The following RO60 variants were observed in gnomAD, a reference collection of about 807,000 sequenced individuals.
RO60 encodes RNA-binding protein RO60.
RO60 carries 20 observed loss-of-function variants against 55.3 expected under a neutral mutation model. The observed-to-expected ratio is 0.36, with a 90% CI of 0.25 to 0.53. The LOEUF is 0.53. Ranked by LOEUF, RO60 falls within the 20% of genes least tolerant of loss-of-function variation. The pLI is 0.92. For synonymous variants in RO60, 213 were observed against 213.6 expected (o/e 1.00, Z 0.02); for missense variants, 558 against 646.6 (o/e 0.86, Z 1.49).
chr1:193,075,610 A>T (rs975587842), intron 2 of RO60, among the ~76,000 whole-genome samples: 2 of 152,108 alleles, frequency 1.3e-5, no homozygotes, highest in African/African-American at 4.8e-5. Context: ...TTTACTCTAA[A>T]GTCTCATATT....
rs746248721 is a variant in RO60, at chr1:193,059,713, C to G, written c.-85C>G. On this transcript the variant is annotated 5_prime_UTR_variant, in exon 1 of 9. Coordinates refer to ENST00000400968, the MANE Select transcript of RO60 (RefSeq NM_001173524.2). The surrounding 1 kb of genome is among the most constrained non-coding windows in gnomAD (Gnocchi z 4.9). ...TCAGGCTGCCTTCTTTTGTCGTTTC[C>G]CAGCGCTGCGCAGGACTTCTCCTGG... The G allele has an allele frequency of 1.5e-6, 2 of 1,353,302 alleles. No homozygotes were observed. Among genetic ancestry groups the G allele is most frequent in the South Asian group, 1.2e-5 (1 of 85,748 alleles). The allele number at this position is 1,353,302 out of a possible 1,614,324, so 83.8% of individuals were successfully genotyped here.
At chr1:193,072,045 C>T (rs1673553662) in intron 2 of RO60, among the ~76,000 whole-genome samples, 1 of 151,714 alleles carries the variant, frequency 6.6e-6, no homozygotes, top group Non-Finnish European at 1.5e-5. Flanking sequence ...CTTTTGTCAC[C>T]CAGGCTGGAG....
downstream of RO60, chr1:193,091,380 C>T: frequency 3.2e-6 from 1 of 314,364 alleles, no homozygotes; most frequent in Admixed American, 5.1e-5. Flanking sequence ...AATTGTCAAG[C>T]TGGTGCTTAA....
rs1216082190 is a variant in RO60 at position 193,090,196 on chromosome 1, C to T, written c.*5465C>T. On this transcript the variant is annotated 3_prime_UTR_variant, in exon 9 of 9. Coordinates refer to ENST00000400968, the MANE Select transcript of RO60 (RefSeq NM_001173524.2). ...AAATAGTAAATTAGCTATATGTCTGCTGGTTTCACTTCGATGTGGATATGG... is the reference window on the plus strand; with the variant it reads ...AAATAGTAAATTAGCTATATGTCTGTTGGTTTCACTTCGATGTGGATATGG... 1 of 152,108 alleles carries T rather than the reference C, an allele frequency of 6.6e-6. No homozygotes were observed. Among genetic ancestry groups the T allele is most frequent in the Non-Finnish European group, 1.5e-5 (1 of 68,014 alleles). The allele number at this position is 152,108 out of a possible 1,614,324, so 9.4% of individuals were successfully genotyped here.
In RO60 at chr1:193,091,114, TA is replaced by T; in HGVS notation, c.*6385del. 1 of 152,472 alleles carries T rather than the reference TA, an allele frequency of 6.6e-6. No homozygotes were observed. The highest frequency in any genetic ancestry group is 6.5e-5 in the Admixed American group (1 of 15,304). 9.4% of individuals were successfully genotyped at this position (152,472 alleles called of 1,614,324 possible). A position where few individuals can be genotyped will look rare whatever the true frequency, so the allele number is the denominator to read the frequency against. On this transcript the variant is annotated 3_prime_UTR_variant, in exon 9 of 9. Transcript: ENST00000400968. The stretch of plus-strand genomic sequence containing the variant: ...ATATCCAAGGACCAAGTTGCATATT[TA>T]ACATCGAATGAAAATGTAGTTGTAC...
Position 193,084,834 on chromosome 1 carries a change from A to G in RO60, c.*103A>G. The G allele has an allele frequency of 1.3e-6, 2 of 1,532,120 alleles. No homozygotes were observed. Among genetic ancestry groups the G allele is most frequent in the South Asian group, 2.6e-5 (2 of 76,614 alleles). The allele number at this position is 1,532,120 out of a possible 1,614,324, so 94.9% of individuals were successfully genotyped here. ...TCTCCACCCAATGAATGATGATGGT[A>G]TAGTATGTGCATAATGGAAAGTTAC... On this transcript the variant is annotated 3_prime_UTR_variant, in exon 9 of 9. Coordinates refer to ENST00000400968, the MANE Select transcript of RO60 (RefSeq NM_001173524.2).
In RO60 at chr1:193,090,074, G is replaced by T. The variant is rs748969740; in HGVS notation, c.*5343G>T. ...CCGCCTCGGCCTTCCAAAGTGCTAG[G>T]ATTACAGGCGTGAGCCACCGCACCT... is the stretch of plus-strand genomic sequence containing the variant. On this transcript the variant is annotated 3_prime_UTR_variant, in exon 9 of 9. Transcript: ENST00000400968. 3.9e-5 allele frequency: 6 copies of T among 152,148 alleles called. No individual in the cohort carries two copies. Among genetic ancestry groups the T allele is most frequent in the Non-Finnish European group, 8.8e-5 (6 of 68,046 alleles). The allele number at this position is 152,148 out of a possible 1,614,324, so 9.4% of individuals were successfully genotyped here.
At chr1:193,063,265 G>A (rs1306381887) in intron 1 of RO60, among the ~76,000 whole-genome samples, 1 of 152,118 alleles carries the variant, frequency 6.6e-6, no homozygotes, top group East Asian at 1.9e-4. Flanking sequence ...GCATTTCCCT[G>A]ATGACTAATG....
At chr1:193,064,944 T>A (rs1673012065) in intron 1 of RO60, among the ~76,000 whole-genome samples, 1 of 152,222 alleles carries the variant, frequency 6.6e-6, no homozygotes, top group African/African-American at 2.4e-5. Flanking sequence ...GAAATTTTGT[T>A]CTTAGATGAC....
rs1176182513 is a variant in RO60 at position 193,059,718 on chromosome 1, G to C, written c.-80G>C. On this transcript the variant is annotated 5_prime_UTR_variant, in exon 1 of 9. Coordinates refer to ENST00000400968, the MANE Select transcript of RO60 (RefSeq NM_001173524.2). This position sits in a 1 kb window ranked among gnomAD's most constrained non-coding sequence, Gnocchi z 4.9. The stretch of plus-strand genomic sequence containing the variant: ...CTGCCTTCTTTTGTCGTTTCCCAGC[G>C]CTGCGCAGGACTTCTCCTGGCGGCG... The C allele has an allele frequency of 7.4e-7, 1 of 1,353,270 alleles. No individual in the cohort carries two copies. Among genetic ancestry groups the C allele is most frequent in the African/African-American group, 1.5e-5 (1 of 67,650 alleles). 83.8% of individuals were successfully genotyped at this position (1,353,270 alleles called of 1,614,324 possible).
In RO60 at chr1:193,086,108, G is replaced by A. The variant is rs1457733641; in HGVS notation, c.*1377G>A. 4.6e-6 allele frequency: 4 copies of A among 864,506 alleles called. No homozygotes were observed. The highest frequency in any genetic ancestry group is 5.6e-6 in the Non-Finnish European group (4 of 720,072). 53.6% of individuals were successfully genotyped at this position (864,506 alleles called of 1,614,324 possible). On this transcript the variant is annotated 3_prime_UTR_variant, in exon 9 of 9. Coordinates refer to ENST00000400968, the MANE Select transcript of RO60 (RefSeq NM_001173524.2). ...ACTGAGGATTTGTAAGGTCCTTCTC[G>A]CTGTTATGTGAAAAGTCAAACTGTA...
intron 2 of RO60, among the ~76,000 whole-genome samples, chr1:193,070,904 A>G (rs1446825117): frequency 3.9e-5 from 6 of 152,236 alleles, no homozygotes. Flanking sequence ...TACATGTTTT[A>G]AAATAGTTGA....
chr1:193,082,294 A>T lies in RO60; in HGVS notation c.1312A>T (p.Ser438Cys), dbSNP rs1443408395. Residue 438 changes from serine (S) to cysteine (C), a missense_variant, in exon 7 of 9, where the codon AGT becomes TGT. Physicochemically the swap from Ser to Cys is moderately radical, Grantham distance 112. Transcript: ENST00000400968. ...CTTACAACAGGTTTTAATGGCTATG[A>T]GTCAGGTAAGAAACTGTGTTTTTTA... Reference protein sequence around the residue: ...MTLQQVLMAMSQIPAGGTDCS... With the variant: ...MTLQQVLMAMCQIPAGGTDCS... The T allele has an allele frequency of 2.5e-6, 4 of 1,598,004 alleles. No individual in the cohort carries two copies. The highest frequency in any genetic ancestry group is 1.7e-5 in the Admixed American group (1 of 57,872).
chr1:193,064,590 T>A (rs1420594508), intron 1 of RO60, among the ~76,000 whole-genome samples: 1 of 152,174 alleles, frequency 6.6e-6, no homozygotes, highest in African/African-American at 2.4e-5. Context: ...ATGACCCTGG[T>A]AAATTTATAT....
At chr1:193,066,204 A>G (rs997555338) in intron 1 of RO60, among the ~76,000 whole-genome samples, 2 of 152,228 alleles carry the variant, frequency 1.3e-5, no homozygotes, top group Admixed American at 6.5e-5. Context: ...TCTTTAAGAA[A>G]TTCCTTCAGT....
intron 1 of RO60, chr1:193,060,062 G>T (rs1672394157): frequency 1.5e-6 from 2 of 1,320,128 alleles, no homozygotes; most frequent in Admixed American, 2.0e-5. Flanking sequence ...CTCCCCACAG[G>T]CCGACGTCGA....
chr1:193,084,876 A>G lies in RO60; in HGVS notation c.*145A>G, dbSNP rs1674552021. Reference sequence around the variant, plus strand: ...GAAAGTTACCTTACTGAAAAAAAAAAAAGAAGGAAAAATAAGATGGGCCCA... The same window carrying G: ...GAAAGTTACCTTACTGAAAAAAAAAGAAGAAGGAAAAATAAGATGGGCCCA... On this transcript the variant is annotated 3_prime_UTR_variant, in exon 9 of 9. Transcript: ENST00000400968. The G allele has an allele frequency of 6.8e-7, 1 of 1,473,740 alleles. No individual in the cohort carries two copies. Among genetic ancestry groups the G allele is most frequent in the African/African-American group, 1.4e-5 (1 of 70,112 alleles). The allele number at this position is 1,473,740 out of a possible 1,614,324, so 91.3% of individuals were successfully genotyped here. A position where few individuals can be genotyped will look rare whatever the true frequency, so the allele number is the denominator to read the frequency against.
rs939377496 is a variant in RO60 at position 193,087,881 on chromosome 1, G to A, written c.*3150G>A. On this transcript the variant is annotated 3_prime_UTR_variant, in exon 9 of 9. Transcript: ENST00000400968. The stretch of plus-strand genomic sequence containing the variant: ...TTCCTGTTCAGAGTAGAAAAATTTA[G>A]AAGAAAAATTTTCACAGCTAAAGTA... The A allele has an allele frequency of 1.3e-5, 2 of 151,788 alleles. No individual in the cohort carries two copies. The highest frequency in any genetic ancestry group is 2.9e-5 in the Non-Finnish European group (2 of 67,984). The allele number at this position is 151,788 out of a possible 1,614,324, so 9.4% of individuals were successfully genotyped here.
In RO60 at chr1:193,075,831, G is replaced by A; in HGVS notation, c.592G>A (p.Val198Met). 1 of 1,602,310 alleles carries A rather than the reference G, an allele frequency of 6.2e-7. No individual in the cohort carries two copies. The highest frequency in any genetic ancestry group is 1.1e-5 in the South Asian group (1 of 88,444). Reference protein sequence around the residue: ...LKPSSEGLAIVTKYITKGWKE... With the variant: ...LKPSSEGLAIMTKYITKGWKE... ...TTATCTTGTTAAAGGACTTGCAATT[G>A]TGACCAAATATATTACAAAGGGCTG... is the stretch of plus-strand genomic sequence containing the variant. Residue 198 changes from valine to methionine, a missense_variant, in exon 3 of 9, where the codon GTG becomes ATG. By Grantham distance (21) the Val-to-Met change is conservative (BLOSUM62 1). Coordinates refer to ENST00000400968, the MANE Select transcript of RO60 (RefSeq NM_001173524.2).
Sources: allele counts gnomAD v4.1 joint callset (sites outside exome capture counted in the v4.1 genomes callset), GRCh38; gene constraint gnomAD v4.1.1; non-coding constraint Gnocchi (gnomAD v3.1); transcripts MANE v1.5; gene names NCBI Gene and HGNC (gene_info 2026-07-23, HGNC 2026-07-21).